PYHIN1: variants seen among roughly 807,000 people sequenced by gnomAD.
The protein encoded by PYHIN1 is pyrin and HIN domain family member 1.
In PYHIN1, 32 loss-of-function variants were observed where a neutral mutation model predicts 43.7. The observed-to-expected ratio is 0.73, with a 90% CI of 0.55 to 0.98. The LOEUF (loss-of-function observed/expected upper bound fraction) is 0.98, where lower values mean the gene tolerates loss of function less well. PYHIN1 is among the 50% of genes least tolerant of loss of function. The pLI, the probability that PYHIN1 is intolerant of heterozygous loss-of-function variation, is 0.00. For missense variants in PYHIN1, 588 were observed against 589.5 expected (o/e 1.00, Z 0.03); for synonymous variants, 205 against 203.1 (o/e 1.01, Z -0.08).
intron 7 of PYHIN1, among the ~76,000 whole-genome samples, chr1:158,972,635 T>C (rs1178325900): frequency 1.3e-5 from 2 of 152,068 alleles, no homozygotes; most frequent in Non-Finnish European, 2.9e-5. Context: ...ACTCACAGTT[T>C]ATTTTCAACA....
chr1:158,975,209 G>A (rs1252386260), intron 8 of PYHIN1, among the ~76,000 whole-genome samples: 2 of 138,372 alleles, frequency 1.4e-5, no homozygotes, highest in Non-Finnish European at 3.1e-5. Context: ...CCTTGCTTTT[G>A]TATATCATAG....
intron 7 of PYHIN1, among the ~76,000 whole-genome samples, chr1:158,955,979 A>C (rs1308214901): frequency 1.4e-5 from 2 of 141,104 alleles, no homozygotes; most frequent in Non-Finnish European, 3.1e-5. Flanking sequence ...AAACACCTCT[A>C]TGCAAATAAA....
At chr1:158,977,107 A>T (rs1651323087), downstream of PYHIN1, 1 of 153,186 alleles carries the variant, frequency 6.5e-6, no homozygotes, top group South Asian at 2.1e-4. Context: ...GTAAAAGCAA[A>T]TAAACTGTGG....
rs748633877 is a variant in PYHIN1 at position 158,942,187 on chromosome 1, AT to A, written c.792del (p.Lys266ArgfsTer16). 8.1e-5 allele frequency: 130 copies of A among 1,613,964 alleles called. No individual in the cohort carries two copies. Among genetic ancestry groups the A allele is most frequent in the Non-Finnish European group, 1.0e-4 (121 of 1,179,944 alleles). On this transcript the variant is annotated frameshift_variant, in exon 5 of 9. Transcript: ENST00000368140. LOFTEE classifies it high-confidence loss of function. ...AAACATCAACTTGAAGAGGAAATTC[AT>A]TAAAAAGAGAATCATCATTATATCA... ...VLNINLKRKF[I>X]KKRIIIISNY...
intron 7 of PYHIN1, 127 bp from the exon 8 acceptor site, chr1:158,973,520 C>T (rs1651058244): frequency 2.3e-6 from 2 of 862,546 alleles, no homozygotes; most frequent in African/African-American, 1.7e-5. Flanking sequence ...CACACACACA[C>T]ACACACACAC....
intron 7 of PYHIN1, among the ~76,000 whole-genome samples, chr1:158,948,982 A>G (rs1250776317): frequency 6.6e-6 from 1 of 152,202 alleles, no homozygotes; most frequent in East Asian, 1.9e-4. Flanking sequence ...AGGAAAACAT[A>G]TGGATGGGGA....
intron 6 of PYHIN1, among the ~76,000 whole-genome samples, chr1:158,944,283 T>A (rs1649096093): frequency 2.0e-5 from 3 of 152,188 alleles, no homozygotes. Flanking sequence ...AAGATAGGCT[T>A]GGTATATATC....
intron 7 of PYHIN1, among the ~76,000 whole-genome samples, chr1:158,963,048 G>C (rs995778821): frequency 6.6e-6 from 1 of 151,960 alleles, no homozygotes; most frequent in Non-Finnish European, 1.5e-5. Context: ...ACTCCTCAAC[G>C]AGCTGAGCCC....
chr1:158,946,483 C>CTA (rs1433172451), intron 7 of PYHIN1, among the ~76,000 whole-genome samples: 1 of 152,074 alleles, frequency 6.6e-6, no homozygotes, highest in African/African-American at 2.4e-5. Context: ...CTTATGCAGA[C>CTA]TACAAAACAG....
chr1:158,977,542 A>G (rs1651338719), downstream of PYHIN1, among the ~76,000 whole-genome samples: 1 of 152,126 alleles, frequency 6.6e-6, no homozygotes, highest in Admixed American at 6.6e-5. Flanking sequence ...ATCCATCAGA[A>G]AGTTGCCCAG....
downstream of PYHIN1, among the ~76,000 whole-genome samples, chr1:158,981,386 G>A (rs538580020): frequency 7.9e-5 from 12 of 152,194 alleles, no homozygotes; most frequent in South Asian, 2.1e-4. Flanking sequence ...CAGGAGAATC[G>A]CTTGAACCTG....
chr1:158,955,417 G>A lies in PYHIN1; in HGVS notation c.1359+10375G>A, dbSNP rs1649855492. The stretch of plus-strand genomic sequence containing the variant: ...AACAAACTATCTCTCAGACCACAGT[G>A]CAATCAAACTAGAACTCAGGATTAA... On this transcript the variant is annotated intron_variant, in intron 7 of 8. Transcript: ENST00000368140. Among the ~76,000 whole-genome samples, 3 of 150,558 alleles carry A rather than the reference G, an allele frequency of 2.0e-5. No homozygotes were observed. In the South Asian group the frequency reaches 6.3e-4, roughly 32 times the overall value.
rs767179319 is a variant in PYHIN1, at chr1:158,942,287, C to A, written c.890C>A (p.Thr297Lys). ...GTATCTGAAGCTGGTCCTGACCAAA[C>A]GTTTGAGGTTCCAAAGGACATCATC... ...SSVSEAGPDQ[T>K]FEVPKDIIRR... The change falls in exon 5 of 9, where the codon ACG (threonine) becomes AAG (lysine). Residue 297 changes from threonine (T) to lysine (K), a missense_variant. Thr to Lys is a moderately conservative substitution (Grantham distance 78). Transcript: ENST00000368140. 6.2e-7 allele frequency: 1 copy of A among 1,613,900 alleles called. No individual in the cohort carries two copies. The highest frequency in any genetic ancestry group is 8.5e-7 in the Non-Finnish European group (1 of 1,179,954).
At chr1:158,938,183 G>T (rs1364797450) in intron 2 of PYHIN1, among the ~76,000 whole-genome samples, 1 of 152,194 alleles carries the variant, frequency 6.6e-6, no homozygotes, top group African/African-American at 2.4e-5. Context: ...GCACAGGGGA[G>T]GAGTGATGAA....
chr1:158,945,016 A>T lies in PYHIN1; in HGVS notation c.1333A>T (p.Thr445Ser). 1 of 1,613,258 alleles carries T rather than the reference A, an allele frequency of 6.2e-7. No individual in the cohort carries two copies. The highest frequency in any genetic ancestry group is 8.5e-7 in the Non-Finnish European group (1 of 1,179,606). ...CAAGACTCCTCAGATGCCACCAACA[A>T]CCCCATCCAGCAGTTCCTTCACCAA... is the stretch of plus-strand genomic sequence containing the variant. ...HLKTPQMPPT[T>S]PSSSSFTKKD... The change falls in exon 7 of 9, where the codon ACC (threonine) becomes TCC (serine). Residue 445 changes from threonine to serine, a missense_variant. By Grantham distance (58) the Thr-to-Ser change is moderately conservative (BLOSUM62 1). Coordinates refer to ENST00000368140, the MANE Select transcript of PYHIN1 (RefSeq NM_152501.5).
chr1:158,959,075 G>T (rs562183950), intron 7 of PYHIN1, among the ~76,000 whole-genome samples: 1 of 151,162 alleles, frequency 6.6e-6, no homozygotes, highest in Non-Finnish European at 1.5e-5. Context: ...CTCACTGACC[G>T]TGCAGTTTTT....
chr1:158,946,318 T>TA (rs916001076), intron 7 of PYHIN1, among the ~76,000 whole-genome samples: 51 of 152,210 alleles, frequency 3.4e-4, no homozygotes, highest in African/African-American at 1.2e-3. Context: ...TAATGAATGG[T>TA]AAAAAAAATC....
At chr1:158,939,475 A>G (rs1276888672) in intron 4 of PYHIN1, 28 of 1,551,196 alleles carry the variant, frequency 1.8e-5, no homozygotes, top group Non-Finnish European at 2.4e-5. Context: ...GGGAAGAGAC[A>G]GAGAACTGCG....
chr1:158,939,377 T>C lies in PYHIN1; in HGVS notation c.579+130T>C, dbSNP rs532868480. ...TCAAATGTATAGACTGAGAATTCAC[T>C]GCATTTTAATCTTTTGCTTCCACAG... On this transcript the variant is annotated intron_variant, in intron 4 of 8. Coordinates refer to ENST00000368140, the MANE Select transcript of PYHIN1 (RefSeq NM_152501.5). 7.9e-4 allele frequency: 1,253 copies of C among 1,594,112 alleles called. 6 individuals are homozygous for C. Among genetic ancestry groups the C allele is most frequent in the South Asian group, 5.2e-3 (460 of 89,256 alleles).
Sources: allele counts gnomAD v4.1 joint callset (sites outside exome capture counted in the v4.1 genomes callset), GRCh38; gene constraint gnomAD v4.1.1; transcripts MANE v1.5; gene names NCBI Gene and HGNC (gene_info 2026-07-23, HGNC 2026-07-21).